The following CTCF variants were observed in gnomAD, a reference collection of about 807,000 sequenced individuals.
The protein encoded by CTCF is CCCTC-binding factor, also known as transcriptional repressor CTCF.
Under a neutral mutation model 72.3 loss-of-function variants are expected in CTCF, and 7 were observed. The observed-to-expected ratio is 0.10, with a 90% CI of 0.06 to 0.18. The LOEUF (loss-of-function observed/expected upper bound fraction) is 0.18, where lower values mean the gene tolerates loss of function less well. CTCF is among the 10% of genes least tolerant of loss of function. CTCF has a pLI of 1.00. For synonymous variants in CTCF, 374 were observed against 315.8 expected, an observed-to-expected ratio of 1.18 and a Z score of -1.95; for missense variants, 516 against 949.1, an observed-to-expected ratio of 0.54 and a Z score of 6.00.
At chr16:67,590,337 T>C (rs1007232585) in intron 2 of CTCF, among the ~76,000 whole-genome samples, 1 of 151,840 alleles carries the variant, frequency 6.6e-6, no homozygotes, top group African/African-American at 2.4e-5. Flanking sequence ...AGAATAATTG[T>C]TTTGTTTTGA....
intron 2 of CTCF, among the ~76,000 whole-genome samples, chr16:67,601,121 C>G (rs901849357): frequency 6.6e-6 from 1 of 151,900 alleles, no homozygotes; most frequent in African/African-American, 2.4e-5. Context: ...TGACCTGGTC[C>G]AGCCTATTGG....
chr16:67,567,366 C>T (rs2051356708), intron 1 of CTCF, among the ~76,000 whole-genome samples: 1 of 152,074 alleles, frequency 6.6e-6, no homozygotes, highest in African/African-American at 2.4e-5. Context: ...ATTTCATTCC[C>T]TTTGAGGTAT....
At chr16:67,573,640 C>G (rs998261752) in intron 2 of CTCF, among the ~76,000 whole-genome samples, 6 of 152,132 alleles carry the variant, frequency 3.9e-5, no homozygotes, top group Non-Finnish European at 8.8e-5. Flanking sequence ...GCTCTGCTAT[C>G]CTGCTCCTTA....
At chr16:67,585,233 G>T (rs959285865) in intron 2 of CTCF, among the ~76,000 whole-genome samples, 2 of 152,088 alleles carry the variant, frequency 1.3e-5, no homozygotes, top group African/African-American at 4.8e-5. Context: ...GTATTTAGTA[G>T]TGAACGGGGT....
At chr16:67,568,459 GCCCACTGCAACCTCCGT>G (rs1351003035) in intron 1 of CTCF, 1 of 152,056 alleles carries the variant, frequency 6.6e-6, no homozygotes, top group Non-Finnish European at 1.5e-5. Context: ...TGCGATGGTG[GCCCACTGCAACCTCCGT>G]CTCCCGGGTT....
At chr16:67,616,270 A>G (rs1181438344) in intron 4 of CTCF, 2 of 153,836 alleles carry the variant, frequency 1.3e-5, no homozygotes, top group African/African-American at 2.4e-5. Context: ...TTTAAAAGAA[A>G]GTTGCAGAAT....
intron 2 of CTCF, among the ~76,000 whole-genome samples, chr16:67,593,843 C>T (rs902100585): frequency 6.6e-6 from 1 of 152,128 alleles, no homozygotes; most frequent in Non-Finnish European, 1.5e-5. Context: ...CTGTCTTATT[C>T]TCAGTACACA....
Position 67,637,745 on chromosome 16 carries a change from T to A in CTCF, c.2057T>A (p.Val686Asp), listed in dbSNP as rs1345133021. The A allele has an allele frequency of 8.7e-6, 14 of 1,613,892 alleles. No homozygotes were observed. Among genetic ancestry groups the A allele is most frequent in the Non-Finnish European group, 1.2e-5 (14 of 1,180,012 alleles). The change falls in exon 12 of 12, where the codon GTT (valine) becomes GAT (aspartate). Residue 686 changes from valine to aspartate, a missense_variant. This residue lies in a region of CTCF where 157 missense variants were observed against 172.9 expected (regional missense o/e 0.91). Transcript: ENST00000264010. ...QNTGAIENII[V>D]EVKKEPDAEP... ...ACAGGTGCAATTGAGAACATTATAG[T>A]TGAAGTAAAAAAAGAGCCAGATGCT... is the stretch of plus-strand genomic sequence containing the variant.
chr16:67,621,398 T>G, intron 6 of CTCF, 44 bp from the exon 7 acceptor site: 1 of 1,415,134 alleles, frequency 7.1e-7, no homozygotes, highest in Non-Finnish European at 1.0e-6. Context: ...AATTACAGTA[T>G]TTATTCATTT....
chr16:67,621,211 AATGTGG>A, intron 6 of CTCF: 2 of 442,688 alleles, frequency 4.5e-6, no homozygotes, highest in Non-Finnish European at 8.1e-6. Flanking sequence ...GCATTGCTGT[AATGTGG>A]AGGATTCCAG....
chr16:67,584,122 A>G (rs2051628099), intron 2 of CTCF, among the ~76,000 whole-genome samples: 1 of 151,780 alleles, frequency 6.6e-6, no homozygotes, highest in South Asian at 2.1e-4. Flanking sequence ...CTGTAATCCC[A>G]GCACTTTGGA....
chr16:67,593,543 C>T (rs1366124750), intron 2 of CTCF, among the ~76,000 whole-genome samples: 2 of 152,086 alleles, frequency 1.3e-5, no homozygotes, highest in African/African-American at 4.8e-5. Context: ...TATGGCTGTG[C>T]GTTCTCTGCC....
chr16:67,581,129 C>G (rs963788331), intron 2 of CTCF, among the ~76,000 whole-genome samples: 1 of 150,748 alleles, frequency 6.6e-6, no homozygotes, highest in Non-Finnish European at 1.5e-5. Context: ...GGGGTTTCAC[C>G]GTGTTAGCCA....
Position 67,603,546 on chromosome 16 carries a change from T to C in CTCF, c.-9-7278T>C, listed in dbSNP as rs562546656. On this transcript the variant is annotated intron_variant, in intron 2 of 11. Coordinates refer to ENST00000264010, the MANE Select transcript of CTCF (RefSeq NM_006565.4). ...AGACTCCCTCTCAAAAAAAAAAGGC[T>C]GGGTGTGGTGGCTCACACCTGTAAT... 4.8e-5 allele frequency among the ~76,000 whole-genome samples: 7 copies of C among 144,930 alleles called. No homozygotes were observed. In the East Asian group the frequency reaches 1.3e-3, roughly 26 times the overall value.
chr16:67,631,388 C>T (rs931263698), intron 10 of CTCF, among the ~76,000 whole-genome samples: 2 of 151,926 alleles, frequency 1.3e-5, no homozygotes, highest in African/African-American at 2.4e-5. Context: ...TGGTCCAGAA[C>T]CCCTGACCTC....
intron 2 of CTCF, among the ~76,000 whole-genome samples, chr16:67,605,640 G>C (rs2051963299): frequency 6.6e-6 from 1 of 152,176 alleles, no homozygotes; most frequent in South Asian, 2.1e-4. Context: ...CCCTTAAAGA[G>C]CTTTCACACC....
At chr16:67,582,169 C>T (rs1567595457) in intron 2 of CTCF, among the ~76,000 whole-genome samples, 1 of 151,298 alleles carries the variant, frequency 6.6e-6, no homozygotes, top group Non-Finnish European at 1.5e-5. Flanking sequence ...CGAGATCGTG[C>T]CACTGCACTC....
chr16:67,604,503 C>T (rs1028135308), intron 2 of CTCF, among the ~76,000 whole-genome samples: 18 of 151,822 alleles, frequency 1.2e-4, no homozygotes, highest in African/African-American at 4.4e-4. Context: ...CCACCACGCC[C>T]GGCTAATTTT....
intron 8 of CTCF, chr16:67,627,110 C>G (rs1387423440): frequency 6.4e-6 from 1 of 155,962 alleles, no homozygotes; most frequent in Non-Finnish European, 1.4e-5. Flanking sequence ...ATACCTTTAT[C>G]AAGCCGGGTG....
Sources: gnomAD v4.1 joint callset for allele counts (sites outside exome capture counted in the v4.1 genomes callset) on GRCh38, gnomAD v4.1.1 for gene constraint, gnomAD v4.1.1 regional missense constraint, MANE v1.5 for transcripts, NCBI Gene and HGNC (gene_info 2026-07-23, HGNC 2026-07-21) for gene names.